Variants in NAALADL2 observed in about 807,000 individuals in gnomAD.
The protein encoded by NAALADL2 is inactive N-acetylated-alpha-linked acidic dipeptidase-like protein 2.
In NAALADL2, 76 loss-of-function variants were observed where a neutral mutation model predicts 87.2. That is an observed-to-expected ratio of 0.87 (90% confidence interval 0.72 to 1.05). The LOEUF (loss-of-function observed/expected upper bound fraction) is 1.05. Ranked by LOEUF, NAALADL2 falls within the 50% of genes least tolerant of loss-of-function variation. The pLI is 0.00. For synonymous variants in NAALADL2, 354 were observed against 331.0 expected, an observed-to-expected ratio of 1.07 and a Z score of -0.75; for missense variants, 1,089 against 945.8, an observed-to-expected ratio of 1.15 and a Z score of -1.99.
At chr3:175,059,926 A>G in intron 1 of NAALADL2, 1 of 409,194 alleles carries the variant, frequency 2.4e-6, no homozygotes, top group East Asian at 7.8e-5. Flanking sequence ...AAATACTGCC[A>G]CATCTGCTTG....
intron 1 of NAALADL2, among the ~76,000 whole-genome samples, chr3:174,508,113 G>GTTTTTTTTTTTTTTTTTTTT (rs1560020933): frequency 1.1e-5 from 1 of 92,942 alleles, no homozygotes; most frequent in African/African-American, 3.9e-5. Flanking sequence ...GATATCTAGT[G>GTTTTTTTTTTTTTTTTTTTT]GTTTTTTTTT....
intron 2 of NAALADL2, among the ~76,000 whole-genome samples, chr3:175,147,334 T>C (rs1730892809): frequency 6.6e-6 from 1 of 152,128 alleles, no homozygotes; most frequent in African/African-American, 2.4e-5. Flanking sequence ...AGTGAGAACA[T>C]GCCGTATTTG....
chr3:174,902,474 T>G (rs895807274), intron 1 of NAALADL2, among the ~76,000 whole-genome samples: 1 of 152,068 alleles, frequency 6.6e-6, no homozygotes, highest in Admixed American at 6.6e-5. Context: ...AAGTTGCAAC[T>G]AATCATTTGA....
At chr3:174,685,077 G>A (rs955695578) in intron 2 of NAALADL2, among the ~76,000 whole-genome samples, 2 of 151,710 alleles carry the variant, frequency 1.3e-5, no homozygotes, top group South Asian at 2.1e-4. Flanking sequence ...CTAGTGTCAC[G>A]GTTTTAAAAA....
In NAALADL2 at chr3:174,781,920, G is replaced by A. The variant is rs552613877; in HGVS notation, c.-9+44174G>A. On this transcript the variant is annotated intron_variant, in intron 3 of 3. Coordinates refer to the NAALADL2 transcript ENST00000434257. The stretch of plus-strand genomic sequence containing the variant: ...GGGAATGCTTCTTTCCTTTATTGAT[G>A]TAAATATAAAGGAATACTCCACGTG... Among the ~76,000 whole-genome samples, 4 of 152,170 alleles carry A rather than the reference G, an allele frequency of 2.6e-5. No individual in the cohort carries two copies. In the South Asian group the frequency reaches 8.3e-4, roughly 32 times the overall value.
At chr3:174,496,612 C>G (rs1328485828) in intron 1 of NAALADL2, among the ~76,000 whole-genome samples, 1 of 151,254 alleles carries the variant, frequency 6.6e-6, no homozygotes, top group Non-Finnish European at 1.5e-5. Context: ...AATTATTACT[C>G]TTTTAAGAAC....
chr3:175,004,376 CAAAAAAAAAAAA>C (rs538715061), intron 1 of NAALADL2, among the ~76,000 whole-genome samples: 33 of 33,854 alleles, frequency 9.7e-4, no homozygotes, highest in South Asian at 6.9e-3. Context: ...GAGACTATTT[CAAAAAAAAAAAA>C]AAAAAAAAAA....
intron 1 of NAALADL2, among the ~76,000 whole-genome samples, chr3:174,876,635 T>C (rs1428437985): frequency 3.3e-5 from 5 of 152,206 alleles, no homozygotes; most frequent in Non-Finnish European, 7.4e-5. Flanking sequence ...TTTCCTCATT[T>C]ACGAGGTACC....
intron 5 of NAALADL2, among the ~76,000 whole-genome samples, chr3:175,404,829 TA>T (rs1712011968): frequency 2.0e-5 from 3 of 152,206 alleles, no homozygotes; most frequent in African/African-American, 7.2e-5. Flanking sequence ...TGTGGTGAGA[TA>T]AATTACTTTG....
intron 5 of NAALADL2, among the ~76,000 whole-genome samples, chr3:175,381,538 TG>T (rs1767782695): frequency 1.3e-5 from 2 of 152,138 alleles, no homozygotes; most frequent in African/African-American, 4.8e-5. Context: ...TCATTTAATA[TG>T]TTTTAAGTGC....
At chr3:174,790,812 T>C (rs1156782724) in intron 3 of NAALADL2, among the ~76,000 whole-genome samples, 1 of 152,160 alleles carries the variant, frequency 6.6e-6, no homozygotes, top group Non-Finnish European at 1.5e-5. Context: ...ATGTTGATGA[T>C]TTATTTTAAA....
intron 2 of NAALADL2, among the ~76,000 whole-genome samples, chr3:175,101,635 T>A (rs775350244): frequency 4.6e-5 from 7 of 152,190 alleles, no homozygotes; most frequent in Admixed American, 6.5e-5. Context: ...ATTCTGAAGA[T>A]CATAAGCAAA....
rs138430980 is a variant in NAALADL2, at chr3:174,632,418, A to G, written c.-115+81781A>G. ...GGGGAAATAGGCAATAAACAAATAC[A>G]TTTGTAAAATATATACTATGCTTAA... On this transcript the variant is annotated intron_variant, in intron 2 of 3. Transcript: ENST00000434257. Among the ~76,000 whole-genome samples, 4 of 152,330 alleles carry G rather than the reference A, an allele frequency of 2.6e-5. No individual in the cohort carries two copies. The East Asian group carries it at 7.7e-4, about 29-fold the overall frequency.
At chr3:174,795,976 C>T (rs1718035233) in intron 3 of NAALADL2, among the ~76,000 whole-genome samples, 1 of 152,142 alleles carries the variant, frequency 6.6e-6, no homozygotes. Context: ...ATTTTGAAGT[C>T]CTAATCCCAA....
At chr3:175,761,701 G>A (rs1257769526) in intron 13 of NAALADL2, among the ~76,000 whole-genome samples, 1 of 152,140 alleles carries the variant, frequency 6.6e-6, no homozygotes, top group Non-Finnish European at 1.5e-5. Context: ...TCTAATAGAG[G>A]TATGTTGGTA....
intron 6 of NAALADL2, among the ~76,000 whole-genome samples, chr3:175,454,658 C>A (rs73884404): frequency 5.9e-5 from 9 of 151,980 alleles, no homozygotes; most frequent in Admixed American, 2.0e-4. Context: ...AAATTTTGAC[C>A]TAGTAAGTTC....
intron 5 of NAALADL2, among the ~76,000 whole-genome samples, chr3:175,446,569 T>A (rs1225693167): frequency 1.3e-5 from 2 of 152,122 alleles, no homozygotes. Flanking sequence ...AGTGTGATGT[T>A]TCTCGCTGTA....
chr3:175,430,165 T>G (rs16825692), intron 5 of NAALADL2, among the ~76,000 whole-genome samples: 3,132 of 152,018 alleles, frequency 0.021, 113 homozygotes, highest in African/African-American at 0.071. Flanking sequence ...ATCTTTAATA[T>G]TCTGATTTTA....
chr3:174,898,130 AAAAAAAAAAAAAAG>A (rs1560338790), intron 1 of NAALADL2, among the ~76,000 whole-genome samples: 1 of 132,126 alleles, frequency 7.6e-6, no homozygotes, highest in African/African-American at 3.7e-5. Flanking sequence ...AAAAAAAAAA[AAAAAAAAAAAAAAG>A]AAAAAAAGAA....
Sources: gnomAD v4.1 joint callset for allele counts (sites outside exome capture counted in the v4.1 genomes callset) on GRCh38, gnomAD v4.1.1 for gene constraint, MANE v1.5 for transcripts, NCBI Gene and HGNC (gene_info 2026-07-23, HGNC 2026-07-21) for gene names.